The following ZC3H7B variants were observed in gnomAD, a reference collection of about 807,000 sequenced individuals.
ZC3H7B encodes the protein zinc finger CCCH domain-containing protein 7B.
Under a neutral mutation model 116.0 loss-of-function variants are expected in ZC3H7B, and 35 were observed. The ratio of observed to expected loss-of-function variants is 0.30; its 90% CI spans 0.23 to 0.40. ZC3H7B has a LOEUF of 0.40. Ranked by LOEUF, ZC3H7B falls within the 10% of genes least tolerant of loss-of-function variation. The probability of loss-of-function intolerance (pLI) is 1.00; values close to 1 mark genes in which losing one functional copy is unlikely to be tolerated. For synonymous variants in ZC3H7B, 502 were observed against 545.6 expected (o/e 0.92, Z 1.11); for missense variants, 1,011 against 1,321.5 (o/e 0.77, Z 3.64).
chr22:41,357,809 G>T lies in ZC3H7B; in HGVS notation c.*380G>T. 3.5e-6 allele frequency: 1 copy of T among 283,282 alleles called. No individual in the cohort carries two copies. Among genetic ancestry groups the T allele is most frequent in the South Asian group, 4.9e-5 (1 of 20,354 alleles). 17.5% of individuals were successfully genotyped at this position (283,282 alleles called of 1,614,324 possible). A position where few individuals can be genotyped will look rare whatever the true frequency, so the allele number is the denominator to read the frequency against. ...GTCCCCACTTGAATCTCCAGCAGGA[G>T]GGTCCTTCTCTCCCTGGCCCGTCCT... On this transcript the variant is annotated 3_prime_UTR_variant, in exon 23 of 23. Coordinates refer to ENST00000352645, the MANE Select transcript of ZC3H7B (RefSeq NM_017590.6). This position sits in a 1 kb window ranked among gnomAD's most constrained non-coding sequence, Gnocchi z 5.4.
At position 41,356,669 on chromosome 22, in the gene ZC3H7B, G is replaced by A. The variant is rs1353097535; in HGVS notation, c.2542G>A (p.Gly848Ser). The A allele has an allele frequency of 1.2e-6, 2 of 1,613,598 alleles. No homozygotes were observed. The highest frequency in any genetic ancestry group is 2.2e-5 in the East Asian group (1 of 44,882). Residue 848 changes from glycine (G) to serine (S), a missense_variant, in exon 22 of 23, where the codon GGC becomes AGC. Around this residue, in one of 5 missense-constraint regions of ZC3H7B, gnomAD observed 406 missense variants for 590.2 expected, o/e 0.69. Coordinates refer to ENST00000352645, the MANE Select transcript of ZC3H7B (RefSeq NM_017590.6). Reference protein sequence around the residue: ...IMMGYHCWLCGKNSNSKKQWQ... With the variant: ...IMMGYHCWLCSKNSNSKKQWQ... ...GATGGGCTACCACTGCTGGCTCTGC[G>A]GCAAGAACAGCAACAGCAAGAAGCA...
intron 1 of ZC3H7B, among the ~76,000 whole-genome samples, chr22:41,309,554 A>G (rs1331472874): frequency 6.6e-6 from 1 of 151,496 alleles, no homozygotes; most frequent in Non-Finnish European, 1.5e-5. Flanking sequence ...GCCTCAAGTG[A>G]TCTGCCCACC....
intron 7 of ZC3H7B, among the ~76,000 whole-genome samples, chr22:41,337,340 C>A (rs548711266): frequency 6.6e-5 from 10 of 150,424 alleles, no homozygotes; most frequent in African/African-American, 2.4e-4. Context: ...AAAAAAAAAA[C>A]AAACCCAAAA....
Position 41,346,197 on chromosome 22 carries a change from T to G in ZC3H7B, c.1654T>G (p.Phe552Val). 1 of 1,610,490 alleles carries G rather than the reference T, an allele frequency of 6.2e-7. No individual in the cohort carries two copies. Among genetic ancestry groups the G allele is most frequent in the Non-Finnish European group, 8.5e-7 (1 of 1,179,834 alleles). Residue 552 changes from phenylalanine to valine, a missense_variant, in exon 14 of 23, where the codon TTC becomes GTC. Around this residue, in one of 5 missense-constraint regions of ZC3H7B, gnomAD observed 406 missense variants for 590.2 expected, o/e 0.69. Coordinates refer to ENST00000352645, the MANE Select transcript of ZC3H7B (RefSeq NM_017590.6). The surrounding 1 kb of genome is among the most constrained non-coding windows in gnomAD (Gnocchi z 5.3). ...LLKEHQGIFT[F>V]LCEICFDSKP... is the part of the protein sequence containing the mutation. ...GAAGGAGCACCAGGGCATCTTCACC[T>G]TCCTCTGCGAGGTACTGCCCACCCA...
At chr22:41,310,088 C>T (rs923493617) in intron 1 of ZC3H7B, among the ~76,000 whole-genome samples, 1 of 151,982 alleles carries the variant, frequency 6.6e-6, no homozygotes. Flanking sequence ...ACCTGTAGTC[C>T]CAGCTACTCG....
At chr22:41,311,325 C>T (rs188941979) in intron 1 of ZC3H7B, among the ~76,000 whole-genome samples, 93 of 151,950 alleles carry the variant, frequency 6.1e-4, no homozygotes, top group African/African-American at 2.1e-3. Context: ...TGGCTGAGAA[C>T]AGGATGATGC....
chr22:41,336,271 T>C (rs753077229), intron 7 of ZC3H7B: 7 of 152,298 alleles, frequency 4.6e-5, no homozygotes, highest in Non-Finnish European at 8.8e-5. Flanking sequence ...CTCACGCCAG[T>C]AATCCCAGCA....
At chr22:41,319,394 C>G (rs1349695037) in intron 1 of ZC3H7B, among the ~76,000 whole-genome samples, 1 of 151,626 alleles carries the variant, frequency 6.6e-6, no homozygotes, top group African/African-American at 2.4e-5. Flanking sequence ...GAGCAGAACT[C>G]CCTCTCAAAA....
intron 1 of ZC3H7B, among the ~76,000 whole-genome samples, chr22:41,316,972 A>G (rs548488024): frequency 6.6e-6 from 1 of 152,174 alleles, no homozygotes; most frequent in African/African-American, 2.4e-5. Flanking sequence ...CCTCCCGAGT[A>G]GCTGGGATTA....
chr22:41,338,479 C>T lies in ZC3H7B; in HGVS notation c.625+124C>T, dbSNP rs2036473626. 2 of 970,032 alleles carry T rather than the reference C, an allele frequency of 2.1e-6. No individual in the cohort carries two copies. Among genetic ancestry groups the T allele is most frequent in the Non-Finnish European group, 3.1e-6 (2 of 637,910 alleles). The allele number at this position is 970,032 out of a possible 1,614,324, so 60.1% of individuals were successfully genotyped here. ...CTCCGAGGGGTTCCCCACCCTGGTA[C>T]TCCCTGAGGCATGGGAGAAAACAGT... On this transcript the variant is annotated intron_variant, in intron 8 of 22. Coordinates refer to ENST00000352645, the MANE Select transcript of ZC3H7B (RefSeq NM_017590.6). The surrounding 1 kb of genome is among the most constrained non-coding windows in gnomAD (Gnocchi z 4.5).
At chr22:41,348,610 T>G (rs2036618718) in intron 15 of ZC3H7B, among the ~76,000 whole-genome samples, 1 of 152,238 alleles carries the variant, frequency 6.6e-6, no homozygotes, top group South Asian at 2.1e-4. Flanking sequence ...CTCCCTCTTG[T>G]TCCCCTTGGT....
intron 1 of ZC3H7B, among the ~76,000 whole-genome samples, chr22:41,309,050 C>T (rs1213977246): frequency 1.6e-5 from 2 of 126,054 alleles, no homozygotes; most frequent in East Asian, 4.3e-4. Context: ...TTCGCTCTGT[C>T]GCCCAGGCTG....
chr22:41,325,034 G>A (rs901698536), intron 2 of ZC3H7B, among the ~76,000 whole-genome samples: 4 of 152,162 alleles, frequency 2.6e-5, no homozygotes, highest in Admixed American at 2.6e-4. Flanking sequence ...TCCAGTCCTG[G>A]GGGCCTCCTA....
rs143812424 is a variant in ZC3H7B at position 41,329,853 on chromosome 22, C to CA, written c.445-169dup. Among the ~76,000 whole-genome samples the CA allele has an allele frequency of 1.2e-3, 180 of 152,336 alleles. 3 individuals are homozygous for CA. The East Asian group carries it at 0.032, about 27-fold the overall frequency. The stretch of plus-strand genomic sequence containing the variant: ...GGATGGTGGTCCTGGTGCCACCACT[C>CA]ACTAGCTGTGTGACTTGGACAAGCC... On this transcript the variant is annotated intron_variant, in intron 5 of 22. Transcript: ENST00000352645.
rs138719667 is a variant in ZC3H7B at position 41,356,489 on chromosome 22, C to T, written c.2517+13C>T. 2,208 of 1,613,812 alleles carry T rather than the reference C, an allele frequency of 1.4e-3. 1 individual carries two copies. The highest frequency in any genetic ancestry group is 1.7e-3 in the Non-Finnish European group (1,987 of 1,179,998). On this transcript the variant is annotated intron_variant, in intron 21 of 22. Coordinates refer to ENST00000352645, the MANE Select transcript of ZC3H7B (RefSeq NM_017590.6). ...CGCGGACATCATGGTAACGCCTCCGCCCTGCATGCTCGGGGCTGCGGTCGG... is the reference window on the plus strand; with the variant it reads ...CGCGGACATCATGGTAACGCCTCCGTCCTGCATGCTCGGGGCTGCGGTCGG...
chr22:41,356,975 G>A (rs1245757912), intron 22 of ZC3H7B, among the ~76,000 whole-genome samples, 167 bp downstream of exon 22: 1 of 152,142 alleles, frequency 6.6e-6, no homozygotes, highest in African/African-American at 2.4e-5. Context: ...GGGAGGGCTG[G>A]GCTCAGACCT....
intron 15 of ZC3H7B, 126 bp from the exon 16 acceptor site, chr22:41,348,994 T>G (rs2043589935): frequency 1.9e-6 from 2 of 1,069,734 alleles, no homozygotes; most frequent in African/African-American, 1.6e-5. Flanking sequence ...ATCCATGGCC[T>G]GGATTTGGTA....
intron 11 of ZC3H7B, 109 bp downstream of exon 11, chr22:41,341,255 G>T: frequency 3.8e-6 from 5 of 1,312,766 alleles, no homozygotes; most frequent in Non-Finnish European, 5.4e-6. Context: ...CATTCCCCAC[G>T]GCGGGGCACT....
intron 1 of ZC3H7B, among the ~76,000 whole-genome samples, chr22:41,316,089 G>A (rs947378536): frequency 1.2e-4 from 18 of 151,558 alleles, no homozygotes; most frequent in African/African-American, 3.9e-4. Context: ...CACCTCCCAG[G>A]TTCAAGTGAT....
Sources: gnomAD v4.1 joint callset for allele counts (sites outside exome capture counted in the v4.1 genomes callset) on GRCh38, gnomAD v4.1.1 for gene constraint, gnomAD v4.1.1 regional missense constraint, Gnocchi (gnomAD v3.1) non-coding constraint, MANE v1.5 for transcripts, NCBI Gene and HGNC (gene_info 2026-07-23, HGNC 2026-07-21) for gene names.